The following SIL1 variants were observed in gnomAD, a reference collection of about 807,000 sequenced individuals.
SIL1 encodes the protein nucleotide exchange factor SIL1.
In SIL1, 40 loss-of-function variants were observed where a neutral mutation model predicts 49.1. The ratio of observed to expected loss-of-function variants is 0.81; its 90% CI spans 0.63 to 1.06. SIL1 has a LOEUF of 1.06. Among genes scored for constraint, SIL1 ranks in the 50% least tolerant of loss-of-function variants. SIL1 has a pLI of 0.00. For missense variants in SIL1, 500 were observed against 572.6 expected (o/e 0.87, Z 1.29); for synonymous variants, 253 against 250.8 (o/e 1.01, Z -0.08).
chr5:139,173,243 A>G (rs1429708630), intron 1 of SIL1, among the ~76,000 whole-genome samples: 1 of 152,170 alleles, frequency 6.6e-6, no homozygotes, highest in Non-Finnish European at 1.5e-5. Context: ...GAAAATAGCT[A>G]AAGAATATAC....
chr5:139,194,425 C>T (rs1238200558), intron 1 of SIL1, among the ~76,000 whole-genome samples: 3 of 152,136 alleles, frequency 2.0e-5, no homozygotes, highest in Non-Finnish European at 4.4e-5. Flanking sequence ...CAGTGAAATC[C>T]TTGGTGAAAG....
intron 3 of SIL1, among the ~76,000 whole-genome samples, chr5:139,085,277 A>C (rs1200559486): frequency 6.6e-6 from 1 of 152,140 alleles, no homozygotes; most frequent in African/African-American, 2.4e-5. Context: ...ACCACAGTGG[A>C]AAGAAAGGGG....
intron 1 of SIL1, among the ~76,000 whole-genome samples, chr5:139,176,461 C>T (rs181300707): frequency 2.8e-4 from 43 of 152,316 alleles, no homozygotes; most frequent in African/African-American, 9.9e-4. Flanking sequence ...TATAGCAACA[C>T]CCTACTTCTC....
At chr5:139,124,736 A>C (rs576902947) in intron 2 of SIL1, among the ~76,000 whole-genome samples, 138 of 152,378 alleles carry the variant, frequency 9.1e-4, no homozygotes, top group African/African-American at 3.1e-3. Context: ...AACAGCAGCT[A>C]CCATTTATTA....
chr5:139,180,158 G>A (rs766707551), intron 1 of SIL1, among the ~76,000 whole-genome samples: 6 of 151,150 alleles, frequency 4.0e-5, no homozygotes, highest in Admixed American at 6.6e-5. Context: ...GAGGCCAGGC[G>A]TTCGAGACCC....
chr5:138,991,230 C>G (rs1196305197), intron 7 of SIL1, among the ~76,000 whole-genome samples: 1 of 152,244 alleles, frequency 6.6e-6, no homozygotes, highest in Admixed American at 6.5e-5. Context: ...CTTTTCCCAG[C>G]AGCCTGGCTG....
Position 138,951,226 on chromosome 5 carries a change from G to A in SIL1, c.974C>T (p.Thr325Met), listed in dbSNP as rs552535462. ...VLRTLVQEKG[T>M]EVLAVRVVTL... ...GACCACGCGCACGGCGAGCACCTCC[G>A]TGCCCTTCTCCTGCACCAGGGTCCT... Residue 325 changes from threonine to methionine, a missense_variant, in exon 9 of 10, where the codon ACG (threonine) becomes ATG (methionine). Physicochemically the swap from Thr to Met is moderately conservative, Grantham distance 81. Coordinates refer to ENST00000394817, the MANE Select transcript of SIL1 (RefSeq NM_022464.5). 28 of 1,607,096 alleles carry A rather than the reference G, an allele frequency of 1.7e-5. No individual in the cohort carries two copies. The highest frequency in any genetic ancestry group is 5.3e-5 in the African/African-American group (4 of 74,910).
At chr5:139,102,792 G>A (rs542468831) in intron 3 of SIL1, among the ~76,000 whole-genome samples, 9 of 150,406 alleles carry the variant, frequency 6.0e-5, no homozygotes, top group Non-Finnish European at 1.3e-4. Flanking sequence ...TCAGCTCACC[G>A]CAACCTCCGC....
intron 3 of SIL1, among the ~76,000 whole-genome samples, chr5:139,112,638 G>C (rs1770886116): frequency 2.0e-5 from 3 of 150,404 alleles, no homozygotes; most frequent in Admixed American, 1.3e-4. Flanking sequence ...GGAGGTGGGG[G>C]CCAGCCCCCG....
At chr5:138,966,448 T>C (rs1767141820) in intron 7 of SIL1, among the ~76,000 whole-genome samples, 1 of 151,902 alleles carries the variant, frequency 6.6e-6, no homozygotes, top group Non-Finnish European at 1.5e-5. Flanking sequence ...CATCCTCAAC[T>C]CCTGGAGGCA....
intron 7 of SIL1, among the ~76,000 whole-genome samples, chr5:139,010,226 C>T (rs1455020054): frequency 4.7e-5 from 7 of 149,670 alleles, no homozygotes; most frequent in Non-Finnish European, 8.9e-5. Flanking sequence ...TCTTCCATTA[C>T]TGATACCCTT....
intron 3 of SIL1, among the ~76,000 whole-genome samples, chr5:139,058,638 A>T (rs932855211): frequency 4.6e-5 from 7 of 152,116 alleles, no homozygotes; most frequent in Non-Finnish European, 8.8e-5. Context: ...TTGTTACTCA[A>T]ATTGTTTCAG....
chr5:139,052,895 T>C (rs1769324297), intron 3 of SIL1, among the ~76,000 whole-genome samples: 1 of 152,104 alleles, frequency 6.6e-6, no homozygotes, highest in African/African-American at 2.4e-5. Context: ...CTGGAAGGGC[T>C]GTGGGGGCTG....
At chr5:139,060,663 A>G (rs1769565194) in intron 3 of SIL1, among the ~76,000 whole-genome samples, 1 of 152,200 alleles carries the variant, frequency 6.6e-6, no homozygotes, top group Non-Finnish European at 1.5e-5. Context: ...GATAGTATAT[A>G]AATTATATCT....
intron 7 of SIL1, among the ~76,000 whole-genome samples, chr5:138,958,936 T>C (rs1353238190): frequency 6.6e-6 from 1 of 152,238 alleles, no homozygotes; most frequent in African/African-American, 2.4e-5. Context: ...CTGGTATCAG[T>C]ATGGATTAAT....
chr5:139,054,998 A>T (rs1769374964), intron 3 of SIL1, among the ~76,000 whole-genome samples: 1 of 152,206 alleles, frequency 6.6e-6, no homozygotes, highest in South Asian at 2.1e-4. Context: ...ATGAAAATGT[A>T]CCAGAACACA....
At chr5:139,188,804 C>A (rs1347173440) in intron 1 of SIL1, among the ~76,000 whole-genome samples, 1 of 152,184 alleles carries the variant, frequency 6.6e-6, no homozygotes, top group Non-Finnish European at 1.5e-5. Context: ...AGGCTCTGGA[C>A]TAGCCAGCCC....
chr5:138,969,317 C>G (rs2150390927), intron 7 of SIL1, among the ~76,000 whole-genome samples: 3 of 152,348 alleles, frequency 2.0e-5, no homozygotes, highest in Middle Eastern at 6.8e-3. Context: ...CAGGTGGCCA[C>G]TGTCACCTCC....
chr5:138,975,688 AG>A lies in SIL1; in HGVS notation c.768-23805del, dbSNP rs1270620518. ...CGAATTCTAAGGCTAGGCCACAAAA[AG>A]AACTGAAGTTTCCATCTTGCTGTCC... On this transcript the variant is annotated intron_variant, in intron 7 of 9. Transcript: ENST00000394817. Among the ~76,000 whole-genome samples the A allele has an allele frequency of 6.6e-5, 10 of 152,352 alleles. No homozygotes were observed. In the Middle Eastern group the frequency reaches 0.014, roughly 207 times the overall value.
Sources: gnomAD v4.1 joint callset for allele counts (sites outside exome capture counted in the v4.1 genomes callset) on GRCh38, gnomAD v4.1.1 for gene constraint, MANE v1.5 for transcripts, NCBI Gene and HGNC (gene_info 2026-07-23, HGNC 2026-07-21) for gene names.